The following CBL variants were observed in gnomAD, a reference collection of about 807,000 sequenced individuals.
CBL encodes E3 ubiquitin-protein ligase CBL.
CBL carries 45 observed loss-of-function variants against 96.9 expected under a neutral mutation model. That is an observed-to-expected ratio of 0.46 (90% CI 0.37 to 0.60). The LOEUF is 0.60. CBL is among the 20% of genes least tolerant of loss of function. CBL has a pLI of 0.00. For synonymous variants in CBL, 420 were observed against 426.8 expected, an observed-to-expected ratio of 0.98 and a Z score of 0.20; for missense variants, 1,024 against 1,143.5, an observed-to-expected ratio of 0.90 and a Z score of 1.51.
chr11:119,301,884 C>T lies in CBL; in HGVS notation c.*2103C>T, dbSNP rs763496685. ...TTGCATTTTGTTTAAATATTGAAGG[C>T]CTAGACAAAGAACTAGAAAAAAAAA... On this transcript the variant is annotated 3_prime_UTR_variant, in exon 16 of 16. Coordinates refer to ENST00000264033, the MANE Select transcript of CBL (RefSeq NM_005188.4). 1 of 232,904 alleles carries T rather than the reference C, an allele frequency of 4.3e-6. No individual in the cohort carries two copies. The highest frequency in any genetic ancestry group is 2.2e-5 in the African/African-American group (1 of 45,248). The allele number at this position is 232,904 out of a possible 1,614,324, so 14.4% of individuals were successfully genotyped here.
rs1950125451 is a variant in CBL at position 119,305,079 on chromosome 11, C to T, written c.*5298C>T. 1 of 219,208 alleles carries T rather than the reference C, an allele frequency of 4.6e-6. No individual in the cohort carries two copies. The allele number at this position is 219,208 out of a possible 1,614,324, so 13.6% of individuals were successfully genotyped here. A position where few individuals can be genotyped will look rare whatever the true frequency, so the allele number is the denominator to read the frequency against. On this transcript the variant is annotated 3_prime_UTR_variant, in exon 16 of 16. Coordinates refer to ENST00000264033, the MANE Select transcript of CBL (RefSeq NM_005188.4). ...CTCAGAGAAGTGAGCAGAGACTCCACAGACACCCTAAAAAGGCTTCTACTC... is the reference window on the plus strand; with the variant it reads ...CTCAGAGAAGTGAGCAGAGACTCCATAGACACCCTAAAAAGGCTTCTACTC...
Position 119,303,888 on chromosome 11 carries a change from G to C in CBL, c.*4107G>C. ...AATCCCCCTTGTTGGGAGGATTTTCGTATCACCCTTATGGGACCTGTCACC... is the reference window on the plus strand; with the variant it reads ...AATCCCCCTTGTTGGGAGGATTTTCCTATCACCCTTATGGGACCTGTCACC... On this transcript the variant is annotated 3_prime_UTR_variant, in exon 16 of 16. Transcript: ENST00000264033. 4.3e-6 allele frequency: 1 copy of C among 233,592 alleles called. No individual in the cohort carries two copies. The highest frequency in any genetic ancestry group is 8.5e-6 in the Non-Finnish European group (1 of 118,040). The allele number at this position is 233,592 out of a possible 1,614,324, so 14.5% of individuals were successfully genotyped here.
rs538718908 is a variant in CBL, at chr11:119,276,258, A to G, written c.1007+124A>G. 2.3e-5 allele frequency: 23 copies of G among 1,021,522 alleles called. No homozygotes were observed. The African/African-American group carries it at 2.7e-4, about 12-fold the overall frequency. 63.3% of individuals were successfully genotyped at this position (1,021,522 alleles called of 1,614,324 possible). Reference sequence around the variant, plus strand: ...CTAAGATTCAGGAAAATATTAACAGATGATATTGATTTGACCTTCAGGTCC... The same window carrying G: ...CTAAGATTCAGGAAAATATTAACAGGTGATATTGATTTGACCTTCAGGTCC... On this transcript the variant is annotated intron_variant, in intron 6 of 15. Transcript: ENST00000264033.
At chr11:119,219,326 C>T (rs960084982) in intron 1 of CBL, among the ~76,000 whole-genome samples, 13 of 149,564 alleles carry the variant, frequency 8.7e-5, no homozygotes, top group Admixed American at 3.4e-4. Context: ...GGCAGTGAGC[C>T]GAGATAGTGT....
At chr11:119,247,600 C>A (rs1249543809) in intron 2 of CBL, among the ~76,000 whole-genome samples, 6 of 152,182 alleles carry the variant, frequency 3.9e-5, no homozygotes, top group Non-Finnish European at 8.8e-5. Flanking sequence ...TGCTTGAGGT[C>A]AAGAGTTCAA....
At chr11:119,280,452 CT>C (rs1949924456) in intron 9 of CBL, among the ~76,000 whole-genome samples, 1 of 152,062 alleles carries the variant, frequency 6.6e-6, no homozygotes, top group Admixed American at 6.6e-5. Flanking sequence ...GTTTATCCCC[CT>C]TTTTTGGTCT....
At chr11:119,276,236 A>G (rs1303583659) in intron 6 of CBL, 102 bp downstream of exon 6, 1 of 1,191,604 alleles carries the variant, frequency 8.4e-7, no homozygotes, top group African/African-American at 1.5e-5. Flanking sequence ...CTGCAGACTA[A>G]GATTCAGGAA....
chr11:119,272,322 C>T (rs1253720635), intron 3 of CBL, among the ~76,000 whole-genome samples: 1 of 152,188 alleles, frequency 6.6e-6, no homozygotes, highest in Admixed American at 6.5e-5. Flanking sequence ...AGGGTTTCAC[C>T]ACGTCAGCCA....
intron 2 of CBL, among the ~76,000 whole-genome samples, chr11:119,267,862 A>G (rs1353193695): frequency 6.6e-6 from 1 of 152,266 alleles, no homozygotes; most frequent in Non-Finnish European, 1.5e-5. Context: ...GCTATAGTCA[A>G]AATGGGTTCA....
Position 119,299,844 on chromosome 11 carries a change from A to T in CBL, c.*63A>T. On this transcript the variant is annotated 3_prime_UTR_variant, in exon 16 of 16. Coordinates refer to ENST00000264033, the MANE Select transcript of CBL (RefSeq NM_005188.4). Reference sequence around the variant, plus strand: ...AGTTGGGAGTTATTACTCAAGTGGCACCTAGAAGGGCAGGAGTTCCTTTGG... The same window carrying T: ...AGTTGGGAGTTATTACTCAAGTGGCTCCTAGAAGGGCAGGAGTTCCTTTGG... The T allele has an allele frequency of 6.5e-7, 1 of 1,535,640 alleles. No homozygotes were observed. The highest frequency in any genetic ancestry group is 9.0e-7 in the Non-Finnish European group (1 of 1,115,026).
chr11:119,258,719 T>C (rs1949730562), intron 2 of CBL, among the ~76,000 whole-genome samples: 1 of 152,224 alleles, frequency 6.6e-6, no homozygotes, highest in Non-Finnish European at 1.5e-5. Context: ...GTCATGCCTT[T>C]AGATTTGTTA....
Position 119,299,950 on chromosome 11 carries a change from G to A in CBL, c.*169G>A. ...GATTTCAAAGTGGTGAAATGAAAAT[G>A]GAGCAGCTAGTATGTTTTATTATTT... On this transcript the variant is annotated 3_prime_UTR_variant, in exon 16 of 16. Transcript: ENST00000264033. 1 of 730,934 alleles carries A rather than the reference G, an allele frequency of 1.4e-6. No individual in the cohort carries two copies. The highest frequency in any genetic ancestry group is 2.4e-6 in the Non-Finnish European group (1 of 414,676). 45.3% of individuals were successfully genotyped at this position (730,934 alleles called of 1,614,324 possible). A position where few individuals can be genotyped will look rare whatever the true frequency, so the allele number is the denominator to read the frequency against.
chr11:119,245,956 C>CTTTTTTTTTTTTTTTTTTTTTT (rs71048054), intron 2 of CBL, among the ~76,000 whole-genome samples: 3 of 54,284 alleles, frequency 5.5e-5, no homozygotes, highest in African/African-American at 1.3e-4. Flanking sequence ...CTTTGCAAAT[C>CTTTTTTTTTTTTTTTTTTTTTT]TTTTTTTTTT....
At chr11:119,223,813 G>A (rs2135259278) in intron 1 of CBL, among the ~76,000 whole-genome samples, 1 of 152,120 alleles carries the variant, frequency 6.6e-6, no homozygotes, top group East Asian at 1.9e-4. Context: ...TTTTTGTAGA[G>A]ATGGGGTTTC....
intron 1 of CBL, among the ~76,000 whole-genome samples, chr11:119,223,829 G>A (rs1020025876): frequency 1.9e-4 from 29 of 152,086 alleles, no homozygotes; most frequent in African/African-American, 7.0e-4. Flanking sequence ...GTTTCACCAT[G>A]TTGGCCAGGC....
At chr11:119,288,871 G>T (rs1375642296) in intron 12 of CBL, among the ~76,000 whole-genome samples, 2 of 152,146 alleles carry the variant, frequency 1.3e-5, no homozygotes, top group Non-Finnish European at 2.9e-5. Flanking sequence ...TTCAACAGAT[G>T]ATTTTAGGGG....
chr11:119,267,051 G>C (rs1156866730), intron 2 of CBL, among the ~76,000 whole-genome samples: 1 of 152,164 alleles, frequency 6.6e-6, no homozygotes, highest in African/African-American at 2.4e-5. Flanking sequence ...GACAGATTCT[G>C]CTGATTAAAT....
chr11:119,270,668 G>T lies in CBL; in HGVS notation c.444-1067G>T, dbSNP rs377226650. 5.3e-5 allele frequency among the ~76,000 whole-genome samples: 8 copies of T among 150,654 alleles called. No homozygotes were observed. The South Asian group carries it at 8.4e-4, about 16-fold the overall frequency. On this transcript the variant is annotated intron_variant, in intron 2 of 15. Coordinates refer to ENST00000264033, the MANE Select transcript of CBL (RefSeq NM_005188.4). ...TCACCGTTTTAGCCGGGATGGTCTC[G>T]ATCTCCTGACCTCGTGATCCGCCCG... is the stretch of plus-strand genomic sequence containing the variant.
intron 2 of CBL, among the ~76,000 whole-genome samples, chr11:119,252,461 A>G (rs1244900444): frequency 2.0e-5 from 3 of 152,180 alleles, no homozygotes; most frequent in African/African-American, 4.8e-5. Context: ...AAAATCTTCC[A>G]TTGTGCTTTC....
Sources: gnomAD v4.1 joint callset for allele counts (sites outside exome capture counted in the v4.1 genomes callset) on GRCh38, gnomAD v4.1.1 for gene constraint, MANE v1.5 for transcripts, NCBI Gene and HGNC (gene_info 2026-07-23, HGNC 2026-07-21) for gene names.